TGFBR3: variants seen among roughly 807,000 people sequenced by gnomAD.
TGFBR3 encodes the protein transforming growth factor beta receptor type 3.
TGFBR3 carries 46 observed loss-of-function variants against 87.9 expected under a neutral mutation model. The observed-to-expected ratio is 0.52, with a 90% CI of 0.41 to 0.67. The LOEUF is 0.67. Ranked by LOEUF, TGFBR3 falls within the 30% of genes least tolerant of loss-of-function variation. The pLI, the probability that TGFBR3 is intolerant of heterozygous loss-of-function variation, is 0.00. For missense variants in TGFBR3, 866 were observed against 1,041.9 expected (o/e 0.83, Z 2.32); for synonymous variants, 381 against 391.6 (o/e 0.97, Z 0.32).
At chr1:91,892,948 A>G (rs1679479634) in intron 2 of TGFBR3, among the ~76,000 whole-genome samples, 1 of 152,228 alleles carries the variant, frequency 6.6e-6, no homozygotes, top group South Asian at 2.1e-4. Flanking sequence ...AACTGATCAA[A>G]CATTTCCTTC....
intron 14 of TGFBR3, among the ~76,000 whole-genome samples, chr1:91,699,431 C>CTTTT (rs60223260): frequency 0.085 from 6,893 of 80,784 alleles, 585 homozygotes; most frequent in Non-Finnish European, 0.1. Flanking sequence ...CTTTCTTTTG[C>CTTTT]TTTTTTTTTT....
intron 3 of TGFBR3, among the ~76,000 whole-genome samples, chr1:91,777,620 C>G (rs1288699919): frequency 6.6e-6 from 1 of 151,876 alleles, no homozygotes; most frequent in African/African-American, 2.4e-5. Context: ...GCCCCAGCCC[C>G]ACATCCCCCT....
At chr1:91,872,866 T>A (rs964346682) in intron 1 of TGFBR3, among the ~76,000 whole-genome samples, 1 of 151,960 alleles carries the variant, frequency 6.6e-6, no homozygotes, top group African/African-American at 2.4e-5. Context: ...GAGTCAGACA[T>A]GAAAACGAGG....
At chr1:91,835,222 C>A (rs1376954208) in intron 2 of TGFBR3, among the ~76,000 whole-genome samples, 2 of 152,210 alleles carry the variant, frequency 1.3e-5, no homozygotes, top group Non-Finnish European at 2.9e-5. Context: ...CCTCTGAGCT[C>A]CCTCAACTTT....
chr1:91,730,562 T>C (rs762640000), intron 5 of TGFBR3, among the ~76,000 whole-genome samples: 14 of 152,158 alleles, frequency 9.2e-5, no homozygotes, highest in Non-Finnish European at 1.5e-4. Flanking sequence ...GCATCTCCTA[T>C]CTAAAAATCC....
chr1:91,722,377 T>TA (rs376856315), intron 7 of TGFBR3, among the ~76,000 whole-genome samples: 67 of 152,124 alleles, frequency 4.4e-4, no homozygotes, highest in African/African-American at 1.4e-3. Flanking sequence ...CCTATGCTGA[T>TA]AAAAAAAATC....
At chr1:91,827,168 C>G (rs977001420) in intron 2 of TGFBR3, among the ~76,000 whole-genome samples, 2 of 152,022 alleles carry the variant, frequency 1.3e-5, no homozygotes, top group Non-Finnish European at 2.9e-5. Flanking sequence ...GGGGTGGGGA[C>G]GCCGTAGGTG....
chr1:91,690,328 G>A (rs949480928), intron 16 of TGFBR3, among the ~76,000 whole-genome samples: 2 of 152,092 alleles, frequency 1.3e-5, no homozygotes, highest in Admixed American at 6.5e-5. Flanking sequence ...CTCTTAAGAG[G>A]AGGAAACTGA....
chr1:91,866,533 G>T (rs189932124), intron 1 of TGFBR3, among the ~76,000 whole-genome samples: 28 of 152,304 alleles, frequency 1.8e-4, no homozygotes, highest in Admixed American at 8.5e-4. Flanking sequence ...CCCTCAGGGA[G>T]CTTATATCCG....
At chr1:91,797,781 A>G (rs184649439) in intron 2 of TGFBR3, among the ~76,000 whole-genome samples, 77 of 152,378 alleles carry the variant, frequency 5.1e-4, no homozygotes, top group African/African-American at 1.9e-3. Flanking sequence ...TCTTGGTAGA[A>G]AATCAGAGAT....
chr1:91,890,569 G>A (rs766218343), upstream of TGFBR3, among the ~76,000 whole-genome samples: 12 of 151,568 alleles, frequency 7.9e-5, no homozygotes, highest in African/African-American at 2.2e-4. Flanking sequence ...AAAGGCACAC[G>A]CCACCACGCC....
intron 2 of TGFBR3, among the ~76,000 whole-genome samples, chr1:91,829,032 C>G (rs570163644): frequency 6.6e-6 from 1 of 152,236 alleles, no homozygotes; most frequent in East Asian, 1.9e-4. Flanking sequence ...CCCAACCCCG[C>G]CCCCTCCACC....
chr1:91,808,978 T>A (rs373660453), intron 2 of TGFBR3, among the ~76,000 whole-genome samples: 34 of 152,342 alleles, frequency 2.2e-4, no homozygotes, highest in East Asian at 1.7e-3. Flanking sequence ...TCCTACCCTA[T>A]GAATTTGGCA....
rs72969110 is a variant in TGFBR3, at chr1:91,795,612, A to T, written c.246+1675T>A. On this transcript the variant is annotated intron_variant, in intron 3 of 16. Transcript: ENST00000212355. ...TGTTGCTGCTTCTGTAACAGCTTGG[A>T]CTTTCTTTTCCCTCTGAGTTCCTCT... 4.6e-3 allele frequency among the ~76,000 whole-genome samples: 699 copies of T among 152,276 alleles called. 11 individuals are homozygous for T. The highest frequency in any genetic ancestry group is 0.016 in the African/African-American group (661 of 41,544).
upstream of TGFBR3, among the ~76,000 whole-genome samples, chr1:91,887,546 G>C (rs564177288): frequency 6.6e-6 from 1 of 152,124 alleles, no homozygotes; most frequent in East Asian, 1.9e-4. Context: ...GATTAGAGGC[G>C]TTAGCCGCTG....
intron 1 of TGFBR3, among the ~76,000 whole-genome samples, chr1:91,901,942 G>GA (rs200556745): frequency 0.38 from 46,234 of 121,742 alleles, 8,134 homozygotes; most frequent in Admixed American, 0.46. Context: ...CCCACCAAAA[G>GA]AAAAAAAAAA....
chr1:91,863,752 C>T (rs751687446), intron 1 of TGFBR3: 1 of 152,202 alleles, frequency 6.6e-6, no homozygotes. Flanking sequence ...AGGCATAAGT[C>T]ATCAATGACA....
intron 3 of TGFBR3, among the ~76,000 whole-genome samples, chr1:91,787,943 G>GAAAAAAAAAAAA (rs111981257): frequency 1.5e-5 from 2 of 133,314 alleles, no homozygotes; most frequent in Admixed American, 7.4e-5. Flanking sequence ...GTCTCACGGG[G>GAAAAAAAAAAAA]AAAAAAAAAA....
chr1:91,854,807 T>C (rs1373093420), intron 2 of TGFBR3, among the ~76,000 whole-genome samples: 1 of 152,190 alleles, frequency 6.6e-6, no homozygotes, highest in Admixed American at 6.5e-5. Flanking sequence ...CAAAAGCATG[T>C]CTAAGTTCTG....
Sources: gnomAD v4.1 joint callset for allele counts (sites outside exome capture counted in the v4.1 genomes callset) on GRCh38, gnomAD v4.1.1 for gene constraint, MANE v1.5 for transcripts, NCBI Gene and HGNC (gene_info 2026-07-23, HGNC 2026-07-21) for gene names.